The following TMTC2 variants were observed in gnomAD, a reference collection of about 807,000 sequenced individuals.
TMTC2 encodes protein O-mannosyl-transferase TMTC2.
In TMTC2, 43 loss-of-function variants were observed where a neutral mutation model predicts 82.4. The ratio of observed to expected loss-of-function variants is 0.52; its 90% CI spans 0.41 to 0.67. The LOEUF (loss-of-function observed/expected upper bound fraction) is 0.67, where lower values mean the gene tolerates loss of function less well. Ranked by LOEUF, TMTC2 falls within the 30% of genes least tolerant of loss-of-function variation. The probability of loss-of-function intolerance (pLI) is 0.00; values close to 1 mark genes in which losing one functional copy is unlikely to be tolerated. For synonymous variants in TMTC2, 408 were observed against 381.9 expected (o/e 1.07, Z -0.80); for missense variants, 919 against 1,012.4 (o/e 0.91, Z 1.25).
chr12:82,776,395 T>G (rs1348111022), intron 1 of TMTC2, among the ~76,000 whole-genome samples: 1 of 152,024 alleles, frequency 6.6e-6, no homozygotes, highest in African/African-American at 2.4e-5. Context: ...TGAGATTACC[T>G]GTGCATTTTA....
Position 82,857,242 on chromosome 12 carries a change from T to C in TMTC2, c.316T>C (p.Ser106Pro). Residue 106 changes from serine to proline, a missense_variant, in exon 2 of 12, where the codon TCC (serine) becomes CCC (proline). Coordinates refer to ENST00000321196, the MANE Select transcript of TMTC2 (RefSeq NM_152588.3). ...AAVTGLFTSFSKILLGDGYWT... is the reference protein window; with the variant it reads ...AAVTGLFTSFPKILLGDGYWT... The stretch of plus-strand genomic sequence containing the variant: ...AGTCACTGGTCTCTTCACAAGCTTC[T>C]CCAAGATCCTCCTTGGTGATGGATA... 2 of 1,614,154 alleles carry C rather than the reference T, an allele frequency of 1.2e-6. No individual in the cohort carries two copies. The highest frequency in any genetic ancestry group is 1.6e-4 in the Middle Eastern group (1 of 6,062).
intron 8 of TMTC2, among the ~76,000 whole-genome samples, chr12:83,029,180 G>C (rs1319839036): frequency 6.6e-6 from 1 of 152,144 alleles, no homozygotes; most frequent in African/African-American, 2.4e-5. Flanking sequence ...GGAGTATGGA[G>C]AAAAGAGTCA....
At chr12:82,754,582 C>T (rs1876197483) in intron 1 of TMTC2, among the ~76,000 whole-genome samples, 1 of 151,774 alleles carries the variant, frequency 6.6e-6, no homozygotes, top group African/African-American at 2.4e-5. Flanking sequence ...TAAAACGGTA[C>T]AAAAATTGGC....
chr12:82,775,921 G>T (rs183059389), intron 1 of TMTC2, among the ~76,000 whole-genome samples: 1 of 152,006 alleles, frequency 6.6e-6, no homozygotes, highest in East Asian at 1.9e-4. Flanking sequence ...TGAGGGCTTG[G>T]CAGATTTTCA....
chr12:82,977,100 C>T (rs1184049370), intron 7 of TMTC2, among the ~76,000 whole-genome samples: 1 of 151,826 alleles, frequency 6.6e-6, no homozygotes, highest in African/African-American at 2.4e-5. Context: ...TCCGTAAGTA[C>T]ATAAAAAGTG....
At chr12:83,037,736 T>C (rs1881720688) in intron 9 of TMTC2, among the ~76,000 whole-genome samples, 1 of 152,112 alleles carries the variant, frequency 6.6e-6, no homozygotes, top group Non-Finnish European at 1.5e-5. Context: ...TTCCAAAGGC[T>C]TTTATAATTG....
Position 82,930,510 on chromosome 12 carries a change from C to G in TMTC2, c.1563C>G (p.Tyr521Ter), listed in dbSNP as rs1222884957. 6.2e-7 allele frequency: 1 copy of G among 1,602,058 alleles called. No individual in the cohort carries two copies. The highest frequency in any genetic ancestry group is 8.5e-7 in the Non-Finnish European group (1 of 1,170,932). The change falls in exon 4 of 12, where the codon TAC becomes TAG. Residue 521 changes from tyrosine to a stop codon, truncating the protein, a stop_gained. Transcript: ENST00000321196. LOFTEE classifies it high-confidence loss of function. The stretch of plus-strand genomic sequence containing the variant: ...AAAGCGCCTATAGAAATGCTTTGTA[C>G]TACCGCAGCAACATGGCTGACATGC... ...EAESAYRNALYYRSNMADMLY... is the reference protein window; with the variant it reads ...EAESAYRNAL
At chr12:82,825,139 A>T (rs1016312698) in intron 1 of TMTC2, among the ~76,000 whole-genome samples, 3 of 152,038 alleles carry the variant, frequency 2.0e-5, no homozygotes, top group Non-Finnish European at 4.4e-5. Context: ...AAGACACTGT[A>T]TGTTTTATTG....
At chr12:83,071,193 C>T (rs901301766) in intron 11 of TMTC2, among the ~76,000 whole-genome samples, 5 of 136,020 alleles carry the variant, frequency 3.7e-5, no homozygotes, top group Non-Finnish European at 6.1e-5. Flanking sequence ...CTCGCTCTGT[C>T]GCCTAGACTG....
Position 82,796,766 on chromosome 12 carries a change from G to A in TMTC2, c.84-60244G>A. ...AGAGTGGTCTAAAGACCAAGAGCAG[G>A]GTGTATTGGGAGTCTGACTGGGATG... On this transcript the variant is annotated intron_variant, in intron 1 of 11. Transcript: ENST00000321196. Among the ~76,000 whole-genome samples the A allele has an allele frequency of 1.3e-5, 2 of 152,030 alleles. 1 individual carries two copies.
rs1041897249 is a variant in TMTC2 at position 83,014,902 on chromosome 12, G to A, written c.2071-15896G>A. ...ACATGCACTGTTGTCAGAGCTTTACGTGTGCTATCTTTGTCACAGTCTCAT... is the reference window on the plus strand; with the variant it reads ...ACATGCACTGTTGTCAGAGCTTTACATGTGCTATCTTTGTCACAGTCTCAT... On this transcript the variant is annotated intron_variant, in intron 8 of 11. Transcript: ENST00000321196. Among the ~76,000 whole-genome samples, 6 of 152,016 alleles carry A rather than the reference G, an allele frequency of 3.9e-5. No individual in the cohort carries two copies. The East Asian group carries it at 5.8e-4, about 15-fold the overall frequency.
Position 82,965,096 on chromosome 12 carries a change from G to A in TMTC2, c.1671G>A (p.Arg557=). The A allele has an allele frequency of 3.1e-6, 5 of 1,610,760 alleles. No homozygotes were observed. The highest frequency in any genetic ancestry group is 2.2e-5 in the East Asian group (1 of 44,768). The part of the protein sequence containing the change: ...LHYYKLAIGS[R]PTLASAYLNT... ...ATTATAAATTGGCCATTGGGAGCAGGCCTACCCTGGCTTGTAAGTAATACT... is the reference window on the plus strand; with the variant it reads ...ATTATAAATTGGCCATTGGGAGCAGACCTACCCTGGCTTGTAAGTAATACT... The change falls in exon 5 of 12, where the codon AGG becomes AGA. Residue 557 remains arginine (R), a synonymous_variant. Coordinates refer to ENST00000321196, the MANE Select transcript of TMTC2 (RefSeq NM_152588.3).
At position 82,863,139 on chromosome 12, in the gene TMTC2, T is replaced by A. The variant is rs117219824; in HGVS notation, c.654+5559T>A. On this transcript the variant is annotated intron_variant, in intron 2 of 11. Coordinates refer to ENST00000321196, the MANE Select transcript of TMTC2 (RefSeq NM_152588.3). ...TCCCTTTTGTTTCTAGACTAGGTTGTGGTTTTGCCTAAGTTGTGACCCCCC... is the reference window on the plus strand; with the variant it reads ...TCCCTTTTGTTTCTAGACTAGGTTGAGGTTTTGCCTAAGTTGTGACCCCCC... Among the ~76,000 whole-genome samples, 772 of 152,278 alleles carry A rather than the reference T, an allele frequency of 5.1e-3. 5 individuals are homozygous for A. The highest frequency in any genetic ancestry group is 8.7e-3 in the Non-Finnish European group (593 of 68,024).
chr12:83,061,809 T>C lies in TMTC2; in HGVS notation c.2309T>C (p.Leu770Pro). Residue 770 changes from leucine (L) to proline (P), a missense_variant, in exon 11 of 12, where the codon CTG becomes CCG. Physicochemically the swap from Leu to Pro is moderately conservative, Grantham distance 98 (BLOSUM62 -3). Coordinates refer to ENST00000321196, the MANE Select transcript of TMTC2 (RefSeq NM_152588.3). ...GAAGCAGCTGAGAAGTATTATGATC[T>C]GGCAGCCAGGCTGAGGCCTAATGTA... is the stretch of plus-strand genomic sequence containing the variant. Reference protein sequence around the residue: ...LNEAAEKYYDLAARLRPNYPA... With the variant: ...LNEAAEKYYDPAARLRPNYPA... 1 of 1,596,776 alleles carries C rather than the reference T, an allele frequency of 6.3e-7. No homozygotes were observed. Among genetic ancestry groups the C allele is most frequent in the Non-Finnish European group, 8.5e-7 (1 of 1,172,068 alleles).
chr12:82,893,396 A>T (rs1186174774), intron 2 of TMTC2, among the ~76,000 whole-genome samples: 1 of 151,718 alleles, frequency 6.6e-6, no homozygotes, highest in African/African-American at 2.4e-5. Flanking sequence ...AAAAGAAAAG[A>T]AAAGAAAAAA....
intron 11 of TMTC2, among the ~76,000 whole-genome samples, chr12:83,115,302 G>A (rs997138243): frequency 3.9e-5 from 6 of 152,022 alleles, no homozygotes; most frequent in African/African-American, 1.4e-4. Context: ...AAACAGACAA[G>A]GAATTTGGTT....
At chr12:83,033,437 T>C (rs77546604) in intron 9 of TMTC2, among the ~76,000 whole-genome samples, 3,363 of 152,322 alleles carry the variant, frequency 0.022, 139 homozygotes, top group African/African-American at 0.078. Context: ...CCTTGATTAC[T>C]GTCATGCTTT....
At chr12:82,723,405 T>A (rs1041878116) in intron 1 of TMTC2, among the ~76,000 whole-genome samples, 1 of 152,230 alleles carries the variant, frequency 6.6e-6, no homozygotes, top group Non-Finnish European at 1.5e-5. Flanking sequence ...AAAGGTTTAT[T>A]ATCTCTCCCT....
chr12:82,976,343 G>C (rs566728107), intron 7 of TMTC2, among the ~76,000 whole-genome samples: 1 of 151,984 alleles, frequency 6.6e-6, no homozygotes, highest in South Asian at 2.1e-4. Flanking sequence ...TTAGAAATTA[G>C]GAACTTGTAA....
Sources: gnomAD v4.1 joint callset for allele counts (sites outside exome capture counted in the v4.1 genomes callset) on GRCh38, gnomAD v4.1.1 for gene constraint, MANE v1.5 for transcripts, NCBI Gene and HGNC (gene_info 2026-07-23, HGNC 2026-07-21) for gene names.